Variants in CACNA2D4 observed in about 807,000 individuals in gnomAD.
CACNA2D4 encodes the protein voltage-dependent calcium channel subunit alpha-2/delta-4.
A neutral mutation model predicts 163.8 loss-of-function variants in CACNA2D4; 157 were observed. The observed-to-expected ratio is 0.96, with a 90% CI of 0.84 to 1.09. CACNA2D4 has a LOEUF of 1.09. CACNA2D4 is among the 50% of genes least tolerant of loss of function. CACNA2D4 has a pLI of 0.00. For missense variants in CACNA2D4, 1,410 were observed against 1,479.9 expected (o/e 0.95, Z 0.78); for synonymous variants, 598 against 586.9 (o/e 1.02, Z -0.27).
In CACNA2D4 at chr12:1,844,275, G is replaced by A. The variant is rs1865093383; in HGVS notation, c.2470+127C>T. The A allele has an allele frequency of 8.6e-6, 10 of 1,164,838 alleles. No individual in the cohort carries two copies. In the South Asian group the frequency reaches 1.6e-4, roughly 19 times the overall value. 72.2% of individuals were successfully genotyped at this position (1,164,838 alleles called of 1,614,324 possible). The stretch of plus-strand genomic sequence containing the variant: ...TGCATGCAGGAGGGAAGGCAGGAGG[G>A]GAACCCTGGTGGTCTGGACATTCTA... On this transcript the variant is annotated intron_variant, in intron 25 of 37. Transcript: ENST00000382722. The surrounding 1 kb of genome is among the most constrained non-coding windows in gnomAD (Gnocchi z 4.2).
intron 6 of CACNA2D4, among the ~76,000 whole-genome samples, chr12:1,905,561 T>C (rs1866641263): frequency 6.6e-6 from 1 of 151,966 alleles, no homozygotes; most frequent in Non-Finnish European, 1.5e-5. Flanking sequence ...ACATTAACAG[T>C]GAACAATCTG....
rs375871662 is a variant in CACNA2D4, at chr12:1,878,372, G to A, written c.1662C>T (p.Tyr554=). 9.3e-6 allele frequency: 15 copies of A among 1,606,128 alleles called. No individual in the cohort carries two copies. In the African/African-American group the frequency reaches 1.2e-4, roughly 13 times the overall value. Residue 554 remains tyrosine, a synonymous_variant, in exon 16 of 38, where the codon TAC becomes TAT. Coordinates refer to ENST00000382722, the MANE Select transcript of CACNA2D4 (RefSeq NM_172364.5). This position sits in a 1 kb window ranked among gnomAD's most constrained non-coding sequence, Gnocchi z 4.6. ...APRYKLGVHG[Y]AFLNTNNGYI... ...AGCCATTGTTGGTGTTCAGAAAGGC[G>A]TATCCGTGCACTCCAAGCTGCCAGA... is the stretch of plus-strand genomic sequence containing the variant.
At chr12:1,882,608 C>T (rs548913848) in intron 13 of CACNA2D4, among the ~76,000 whole-genome samples, 8 of 152,262 alleles carry the variant, frequency 5.3e-5, no homozygotes, top group Middle Eastern at 3.4e-3. Flanking sequence ...GGAGCAGGGA[C>T]CCTGTCCGTG....
intron 25 of CACNA2D4, among the ~76,000 whole-genome samples, chr12:1,842,044 C>A (rs1347551349): frequency 5.3e-5 from 8 of 152,180 alleles, no homozygotes. Context: ...CTGGGACAGA[C>A]CTTCCGTCGC....
chr12:1,907,881 T>C lies in CACNA2D4; in HGVS notation c.643A>G (p.Asn215Asp), dbSNP rs1866703461. The change falls in exon 5 of 38, where the codon AAC becomes GAC. Residue 215 changes from asparagine to aspartate, a missense_variant. By Grantham distance (23) the Asn-to-Asp change is conservative. Coordinates refer to ENST00000382722, the MANE Select transcript of CACNA2D4 (RefSeq NM_172364.5). ...SSVQLPTNVY[N>D]KDPDILNGVY... ...AGCTGAGCGTGCCGGCTACCTTTGT[T>C]GTACACGTTGGTGGGCAGCTGCACG... 6.2e-7 allele frequency: 1 copy of C among 1,613,984 alleles called. No individual in the cohort carries two copies.
At position 1,846,610 on chromosome 12, in the gene CACNA2D4, C is replaced by T; in HGVS notation, c.2326G>A (p.Glu776Lys). Residue 776 changes from glutamate (E) to lysine (K), a missense_variant, in exon 24 of 38, where the codon GAG (glutamate) becomes AAG (lysine). Physicochemically the swap from Glu to Lys is moderately conservative, Grantham distance 56 (BLOSUM62 1). Coordinates refer to ENST00000382722, the MANE Select transcript of CACNA2D4 (RefSeq NM_172364.5). ...LLRSSLFVGS[E>K]KVSDRKFLTP... ...CCAACCCACCTGTCGGAGACCTTCTCGGAGCCCACGAACAAGCTGCTTCTC... is the reference window on the plus strand; with the variant it reads ...CCAACCCACCTGTCGGAGACCTTCTTGGAGCCCACGAACAAGCTGCTTCTC... 9 of 1,599,394 alleles carry T rather than the reference C, an allele frequency of 5.6e-6. No homozygotes were observed. The highest frequency in any genetic ancestry group is 2.3e-5 in the South Asian group (2 of 88,814).
At chr12:1,903,186 C>T (rs1016051525) in intron 6 of CACNA2D4, among the ~76,000 whole-genome samples, 8 of 152,016 alleles carry the variant, frequency 5.3e-5, no homozygotes, top group African/African-American at 1.9e-4. Flanking sequence ...AACTAGACTC[C>T]TATCGCTCAC....
At chr12:1,819,892 C>T (rs1166353480) in intron 26 of CACNA2D4, among the ~76,000 whole-genome samples, 1 of 152,200 alleles carries the variant, frequency 6.6e-6, no homozygotes, top group African/African-American at 2.4e-5. Context: ...TGGCATTCTG[C>T]TTCCCTAAGT....
chr12:1,912,922 C>G, intron 3 of CACNA2D4, 101 bp downstream of exon 3: 2 of 708,412 alleles, frequency 2.8e-6, no homozygotes, highest in Non-Finnish European at 5.0e-6. Context: ...GAGAGGGTCA[C>G]GAGGGGGGAG....
intron 18 of CACNA2D4, among the ~76,000 whole-genome samples, chr12:1,863,962 G>A (rs1032679595): frequency 3.9e-5 from 6 of 152,198 alleles, no homozygotes; most frequent in African/African-American, 1.4e-4. Context: ...GAGCAGCAGA[G>A]TTTCGGAAAT....
chr12:1,902,909 T>C (rs766441008), intron 6 of CACNA2D4, among the ~76,000 whole-genome samples: 2 of 151,912 alleles, frequency 1.3e-5, no homozygotes, highest in Non-Finnish European at 2.9e-5. Flanking sequence ...AGAGCCAAAG[T>C]TATCCTGAGC....
chr12:1,856,301 C>G, intron 20 of CACNA2D4, 72 bp from the exon 21 acceptor site: 1 of 1,520,878 alleles, frequency 6.6e-7, no homozygotes, highest in Admixed American at 1.7e-5. Context: ...ATTGTAGAAA[C>G]AGCCACCCAG....
At chr12:1,821,398 T>C (rs1484145574) in intron 26 of CACNA2D4, among the ~76,000 whole-genome samples, 2 of 152,094 alleles carry the variant, frequency 1.3e-5, no homozygotes, top group Non-Finnish European at 2.9e-5. Flanking sequence ...CTCCCCCAGA[T>C]GAGCATGGGC....
At chr12:1,831,583 A>G (rs1864633566) in intron 26 of CACNA2D4, 1 of 1,418,922 alleles carries the variant, frequency 7.0e-7, no homozygotes, top group African/African-American at 1.4e-5. Context: ...CTCTGGCCCC[A>G]CACTTTCCTC....
intron 12 of CACNA2D4, 66 bp downstream of exon 12, chr12:1,884,177 G>C: frequency 6.8e-7 from 1 of 1,475,330 alleles, no homozygotes; most frequent in South Asian, 1.2e-5. Context: ...GCACTTCCAG[G>C]GCTGGGTAAC....
chr12:1,870,753 T>TG (rs578015396), intron 18 of CACNA2D4, among the ~76,000 whole-genome samples: 1 of 151,054 alleles, frequency 6.6e-6, no homozygotes, highest in East Asian at 1.9e-4. Flanking sequence ...AGAAGGGGTG[T>TG]GGGGGGTTGG....
intron 19 of CACNA2D4, 95 bp from the exon 20 acceptor site, chr12:1,858,739 G>T: frequency 2.2e-6 from 2 of 912,508 alleles, no homozygotes; most frequent in Non-Finnish European, 3.3e-6. Flanking sequence ...CTAGGTGTAT[G>T]GGCTTTTTGT....
chr12:1,809,241 A>T, intron 29 of CACNA2D4: 1 of 472,924 alleles, frequency 2.1e-6, no homozygotes, highest in East Asian at 3.6e-5. Context: ...AGGCCAGACC[A>T]CAGCCCTACC....
rs916496555 is a variant in CACNA2D4 at position 1,918,516 on chromosome 12, C to T, written c.-43G>A. The T allele has an allele frequency of 8.7e-6, 13 of 1,492,512 alleles. No homozygotes were observed. The East Asian group carries it at 2.0e-4, about 23-fold the overall frequency. 92.5% of individuals were successfully genotyped at this position (1,492,512 alleles called of 1,614,324 possible). On this transcript the variant is annotated 5_prime_UTR_variant, in exon 1 of 38. Coordinates refer to ENST00000382722, the MANE Select transcript of CACNA2D4 (RefSeq NM_172364.5). ...CTCCCAGACCCCAGGACGCCCCAGG[C>T]CTTTGTCTTCCGTGCCTTGGCGAGC...
Sources: allele counts gnomAD v4.1 joint callset (sites outside exome capture counted in the v4.1 genomes callset), GRCh38; gene constraint gnomAD v4.1.1; non-coding constraint Gnocchi (gnomAD v3.1); transcripts MANE v1.5; gene names NCBI Gene and HGNC (gene_info 2026-07-23, HGNC 2026-07-21).